KDM1B: variants seen among roughly 807,000 people sequenced by gnomAD.
KDM1B encodes the protein lysine demethylase 1B.
In KDM1B, 63 loss-of-function variants were observed where a neutral mutation model predicts 107.4. The ratio of observed to expected loss-of-function variants is 0.59; its 90% confidence interval spans 0.48 to 0.72. The LOEUF (loss-of-function observed/expected upper bound fraction) is 0.72, where lower values mean the gene tolerates loss of function less well. KDM1B is among the 30% of genes least tolerant of loss of function. The probability of loss-of-function intolerance (pLI) is 0.00; values close to 1 mark genes in which losing one functional copy is unlikely to be tolerated. For missense variants in KDM1B, 749 were observed against 1,020.8 expected, an observed-to-expected ratio of 0.73 and a Z score of 3.63; for synonymous variants, 363 against 363.9, an observed-to-expected ratio of 1.00 and a Z score of 0.03.
chr6:18,192,123 G>A (rs1023339061), intron 10 of KDM1B, among the ~76,000 whole-genome samples: 9 of 152,048 alleles, frequency 5.9e-5, no homozygotes, highest in Admixed American at 2.0e-4. Context: ...TTAGCCATGT[G>A]TGGTGGCACA....
chr6:18,196,380 T>C (rs909600406), intron 10 of KDM1B, among the ~76,000 whole-genome samples: 16 of 152,200 alleles, frequency 1.1e-4, no homozygotes, highest in African/African-American at 3.4e-4. Flanking sequence ...TTTTATTTTT[T>C]AGTTTTTTGA....
At chr6:18,168,659 T>C (rs1785472094) in intron 6 of KDM1B, among the ~76,000 whole-genome samples, 1 of 142,584 alleles carries the variant, frequency 7.0e-6, no homozygotes, top group African/African-American at 2.5e-5. Context: ...TTGGTAATTA[T>C]ATGGGACCTC....
chr6:18,163,224 A>C (rs1785081989), intron 5 of KDM1B, among the ~76,000 whole-genome samples: 1 of 151,242 alleles, frequency 6.6e-6, no homozygotes, highest in African/African-American at 2.4e-5. Context: ...TGCAACCTCC[A>C]ACTTCTGGGT....
chr6:18,200,355 C>CCA lies in KDM1B; in HGVS notation c.1222-84_1222-83insCA. Reference sequence around the variant, plus strand: ...TTAACCAAATATAGAGGCTATTTAACAGTGTCCTTCTACATTTTTATAATA... The same window carrying CCA: ...TTAACCAAATATAGAGGCTATTTAACCAAGTGTCCTTCTACATTTTTATAATA... On this transcript the variant is annotated intron_variant, in intron 12 of 21. Transcript: ENST00000650836. The surrounding 1 kb of genome is among the most constrained non-coding windows in gnomAD (Gnocchi z 4.3). 2.3e-6 allele frequency: 3 copies of CCA among 1,293,878 alleles called. No homozygotes were observed. The highest frequency in any genetic ancestry group is 3.2e-6 in the Non-Finnish European group (3 of 935,146). 80.1% of individuals were successfully genotyped at this position (1,293,878 alleles called of 1,614,324 possible).
At chr6:18,179,129 C>T (rs1786260052) in intron 7 of KDM1B, among the ~76,000 whole-genome samples, 1 of 152,112 alleles carries the variant, frequency 6.6e-6, no homozygotes, top group Non-Finnish European at 1.5e-5. Context: ...TAGATATTGG[C>T]TAATAGTTTT....
chr6:18,197,524 C>T lies in KDM1B; in HGVS notation c.1147-63C>T. On this transcript the variant is annotated intron_variant, in intron 11 of 21. Coordinates refer to ENST00000650836, the MANE Select transcript of KDM1B (RefSeq NM_001364614.2). This position sits in a 1 kb window ranked among gnomAD's most constrained non-coding sequence, Gnocchi z 4.5. ...ACGAATTTGCTCTGCAGTTCCGGAACAACTAAAACAGGACGTTGTTATCAT... is the reference window on the plus strand; with the variant it reads ...ACGAATTTGCTCTGCAGTTCCGGAATAACTAAAACAGGACGTTGTTATCAT... 2.3e-6 allele frequency: 3 copies of T among 1,300,322 alleles called. No individual in the cohort carries two copies. Among genetic ancestry groups the T allele is most frequent in the Non-Finnish European group, 3.3e-6 (3 of 902,944 alleles). 80.5% of individuals were successfully genotyped at this position (1,300,322 alleles called of 1,614,324 possible).
chr6:18,197,145 T>G lies in KDM1B; in HGVS notation c.1058T>G (p.Leu353Arg). 1 of 1,614,172 alleles carries G rather than the reference T, an allele frequency of 6.2e-7. No homozygotes were observed. The highest frequency in any genetic ancestry group is 8.5e-7 in the Non-Finnish European group (1 of 1,180,008). ...TGCGTTCAGGAAGTGGAGAGAATAC[T>G]GTATTTTATGACCAGAAAAGGTCTC... is the stretch of plus-strand genomic sequence containing the variant. ...IRCVQEVERI[L>R]YFMTRKGLIN... is the part of the protein sequence containing the mutation. Residue 353 changes from leucine (L) to arginine (R), a missense_variant, in exon 11 of 22, where the codon CTG becomes CGG. By Grantham distance (102) the Leu-to-Arg change is moderately radical (BLOSUM62 -2). Transcript: ENST00000650836. This position sits in a 1 kb window ranked among gnomAD's most constrained non-coding sequence, Gnocchi z 4.5.
intron 2 of KDM1B, among the ~76,000 whole-genome samples, chr6:18,157,524 T>C (rs1402839351): frequency 6.6e-6 from 1 of 152,184 alleles, no homozygotes; most frequent in Non-Finnish European, 1.5e-5. Context: ...GAACCTAGGC[T>C]GATTCATTTA....
intron 4 of KDM1B, among the ~76,000 whole-genome samples, chr6:18,161,761 C>G (rs576979821): frequency 6.6e-6 from 1 of 152,148 alleles, no homozygotes; most frequent in African/African-American, 2.4e-5. Context: ...CGTGGTGAGA[C>G]AGTAGAGAGA....
chr6:18,218,151 C>T (rs763706269), intron 21 of KDM1B, among the ~76,000 whole-genome samples: 13 of 152,114 alleles, frequency 8.5e-5, no homozygotes, highest in Admixed American at 2.6e-4. Context: ...GACAGGGTCT[C>T]GCTCTGTGGC....
chr6:18,220,865 G>C (rs1031734245), intron 21 of KDM1B, among the ~76,000 whole-genome samples: 2 of 151,324 alleles, frequency 1.3e-5, no homozygotes, highest in African/African-American at 2.4e-5. Flanking sequence ...TCCGCCACCT[G>C]CGTTCAAGCA....
intron 21 of KDM1B, among the ~76,000 whole-genome samples, chr6:18,220,921 A>AT (rs935287703): frequency 1.9e-4 from 29 of 149,180 alleles, no homozygotes; most frequent in Middle Eastern, 3.4e-3. Context: ...CTAATTTTTT[A>AT]TTTTTTTTTA....
chr6:18,200,862 C>G lies in KDM1B; in HGVS notation c.1359+286C>G, dbSNP rs888793464. ...GTTGCCAGATTTAGCATATAAAAAT[C>G]CAGAATTCTCAATTAAATTTCATTT... On this transcript the variant is annotated intron_variant, in intron 13 of 21. Coordinates refer to ENST00000650836, the MANE Select transcript of KDM1B (RefSeq NM_001364614.2). The surrounding 1 kb of genome is among the most constrained non-coding windows in gnomAD (Gnocchi z 4.3). 3.3e-5 allele frequency among the ~76,000 whole-genome samples: 5 copies of G among 152,074 alleles called. No individual in the cohort carries two copies. Among genetic ancestry groups the G allele is most frequent in the African/African-American group, 4.8e-5 (2 of 41,394 alleles).
chr6:18,187,896 C>T lies in KDM1B; in HGVS notation c.678C>T (p.Asp226=). The change falls in exon 9 of 22, where the codon GAC becomes GAT. Residue 226 remains aspartate, a synonymous_variant. Transcript: ENST00000650836. The stretch of plus-strand genomic sequence containing the variant: ...CCCTGCTGTCTGCCTACTACCCTGA[C>T]TGTGTTGGCATGAGCCCCTCCTGCA... ...AAPLLSAYYP[D]CVGMSPSCTS... is the part of the protein sequence containing the mutation. The T allele has an allele frequency of 1.9e-6, 3 of 1,550,322 alleles. No homozygotes were observed. Among genetic ancestry groups the T allele is most frequent in the Non-Finnish European group, 2.6e-6 (3 of 1,146,816 alleles).
intron 5 of KDM1B, among the ~76,000 whole-genome samples, chr6:18,165,833 A>T (rs549311742): frequency 2.6e-5 from 4 of 152,244 alleles, no homozygotes; most frequent in East Asian, 1.9e-4. Context: ...AAAGAAATTT[A>T]AAAAAATAAT....
At chr6:18,165,410 G>A (rs910366950) in intron 5 of KDM1B, among the ~76,000 whole-genome samples, 4 of 152,020 alleles carry the variant, frequency 2.6e-5, no homozygotes, top group African/African-American at 7.2e-5. Flanking sequence ...GATTACAGGC[G>A]TGAGCCACCG....
At chr6:18,180,875 G>C (rs1786421233) in intron 7 of KDM1B, among the ~76,000 whole-genome samples, 1 of 152,196 alleles carries the variant, frequency 6.6e-6, no homozygotes, top group South Asian at 2.1e-4. Context: ...CACTCTAGCT[G>C]TGATTTTTAC....
rs907156866 is a variant in KDM1B at position 18,201,731 on chromosome 6, G to A, written c.1531+74G>A. The A allele has an allele frequency of 6.4e-5, 79 of 1,239,974 alleles. No individual in the cohort carries two copies. The highest frequency in any genetic ancestry group is 1.8e-5 in the Non-Finnish European group (16 of 899,498). 76.8% of individuals were successfully genotyped at this position (1,239,974 alleles called of 1,614,324 possible). ...CCTAAGCTTCATCAGCAGTGGCATT[G>A]TTCATTTGCGAGGTCGGATGTCGGC... On this transcript the variant is annotated intron_variant, in intron 14 of 21. Transcript: ENST00000650836. This position sits in a 1 kb window ranked among gnomAD's most constrained non-coding sequence, Gnocchi z 4.3.
chr6:18,177,561 T>G (rs988915366), intron 7 of KDM1B, among the ~76,000 whole-genome samples: 18 of 151,736 alleles, frequency 1.2e-4, no homozygotes, highest in African/African-American at 4.1e-4. Flanking sequence ...ATTTATTTAT[T>G]TATTTATTTT....
Sources: allele counts gnomAD v4.1 joint callset (sites outside exome capture counted in the v4.1 genomes callset), GRCh38; gene constraint gnomAD v4.1.1; non-coding constraint Gnocchi (gnomAD v3.1); transcripts MANE v1.5; gene names NCBI Gene and HGNC (gene_info 2026-07-23, HGNC 2026-07-21).